URGCP: variants seen among roughly 807,000 people sequenced by gnomAD.
URGCP encodes the protein up-regulator of cell proliferation.
In URGCP, 13 loss-of-function variants were observed where a neutral mutation model predicts 24.6. That is an observed-to-expected ratio of 0.53 (90% CI 0.34 to 0.84). The LOEUF (loss-of-function observed/expected upper bound fraction) is 0.84, where lower values mean the gene tolerates loss of function less well. Among genes scored for constraint, URGCP ranks in the 40% least tolerant of loss-of-function variants. The pLI, the probability that URGCP is intolerant of heterozygous loss-of-function variation, is 0.01. For missense variants in URGCP, 899 were observed against 1,194.3 expected (o/e 0.75, Z 3.64); for synonymous variants, 444 against 487.2 (o/e 0.91, Z 1.17).
upstream of URGCP, among the ~76,000 whole-genome samples, chr7:43,911,067 G>A (rs978814292): frequency 2.6e-5 from 4 of 152,024 alleles, no homozygotes; most frequent in African/African-American, 7.3e-5. Flanking sequence ...AATCAGACAG[G>A]AGAACCATAA....
rs1436562804 is a variant in URGCP at position 43,903,585 on chromosome 7, G to A, written c.14+2977C>T. ...AACCCAGGTTAAAGAAACTTGAGGA[G>A]CTGTATCTAGTGTAGTTGGAAATGA... On this transcript the variant is annotated intron_variant, in intron 1 of 5. Transcript: ENST00000453200. Among the ~76,000 whole-genome samples the A allele has an allele frequency of 2.0e-5, 3 of 152,166 alleles. No homozygotes were observed. In the East Asian group the frequency reaches 5.8e-4, roughly 29 times the overall value.
chr7:43,886,185 A>G (rs908444829), intron 3 of URGCP, among the ~76,000 whole-genome samples: 4 of 152,196 alleles, frequency 2.6e-5, no homozygotes, highest in African/African-American at 9.6e-5. Flanking sequence ...ACGGTGTCTC[A>G]CTATGTTGCG....
rs111689772 is a variant in URGCP, at chr7:43,922,924, G to A, written c.-116+3208C>T. On this transcript the variant is annotated intron_variant, in intron 1 of 5. Transcript: ENST00000426198. ...TCTTTCTTTCTTTCTCTTTCTTTCC[G>A]TCTTTCTTTCTTTCTTTCCTTCTCT... Among the ~76,000 whole-genome samples, 900 of 147,980 alleles carry A rather than the reference G, an allele frequency of 6.1e-3. 15 individuals carry two copies. The highest frequency in any genetic ancestry group is 0.02 in the African/African-American group (803 of 40,140).
chr7:43,879,782 T>TC (rs398111297), intron 5 of URGCP: 3 of 152,056 alleles, frequency 2.0e-5, no homozygotes, highest in Non-Finnish European at 2.9e-5. Context: ...GTGTTTTTTT[T>TC]CTCTCTAGAA....
At chr7:43,880,069 G>A (rs933218628) in intron 5 of URGCP, among the ~76,000 whole-genome samples, 3 of 151,878 alleles carry the variant, frequency 2.0e-5, no homozygotes, top group Non-Finnish European at 4.4e-5. Flanking sequence ...AACTACTGGT[G>A]TGTGCCACCA....
At chr7:43,887,729 T>A in intron 2 of URGCP, 61 bp downstream of exon 2, 1 of 1,537,752 alleles carries the variant, frequency 6.5e-7, no homozygotes, top group East Asian at 2.4e-5. Flanking sequence ...ACCAGCACTC[T>A]CCAAAACTGC....
chr7:43,913,913 G>C (rs2095912849), intron 1 of URGCP, among the ~76,000 whole-genome samples: 1 of 152,092 alleles, frequency 6.6e-6, no homozygotes, highest in African/African-American at 2.4e-5. Context: ...TGGCCAGGCT[G>C]GTCTTGAACT....
chr7:43,920,127 C>G (rs920205244), intron 1 of URGCP: 4 of 794,106 alleles, frequency 5.0e-6, no homozygotes, highest in Middle Eastern at 2.4e-4. Context: ...TGACCACTCA[C>G]TTAGAGCACA....
Position 43,889,636 on chromosome 7 carries a change from C to A in URGCP, c.15-1820G>T, listed in dbSNP as rs143082575. 197 of 152,286 alleles carry A rather than the reference C, an allele frequency of 1.3e-3. 1 individual carries two copies. Among genetic ancestry groups the A allele is most frequent in the African/African-American group, 4.6e-3 (191 of 41,568 alleles). The allele number at this position is 152,286 out of a possible 1,614,324, so 9.4% of individuals were successfully genotyped here. ...TCCTGTCATATGTTTGAAAATTATA[C>A]CCTATGTTAATCTGTCCTCTCCTCC... On this transcript the variant is annotated intron_variant, in intron 1 of 5. Coordinates refer to ENST00000453200, the MANE Select transcript of URGCP (RefSeq NM_001077663.3).
chr7:43,907,413 G>T (rs1348293366), upstream of URGCP, among the ~76,000 whole-genome samples: 1 of 152,154 alleles, frequency 6.6e-6, no homozygotes, highest in Non-Finnish European at 1.5e-5. Flanking sequence ...CAGGAGGATC[G>T]ATTGAGCCCA....
At chr7:43,890,183 G>C (rs914718683) in intron 1 of URGCP, among the ~76,000 whole-genome samples, 2 of 145,216 alleles carry the variant, frequency 1.4e-5, no homozygotes, top group African/African-American at 5.1e-5. Context: ...GGGATTACAG[G>C]TGTGAGCCAC....
chr7:43,907,684 C>T (rs1307029250), upstream of URGCP, among the ~76,000 whole-genome samples: 9 of 152,128 alleles, frequency 5.9e-5, no homozygotes, highest in African/African-American at 2.2e-4. Flanking sequence ...TTTCCAGGGC[C>T]ACAGTTCCTT....
intron 1 of URGCP, among the ~76,000 whole-genome samples, chr7:43,900,774 C>G (rs1246503293): frequency 6.6e-6 from 1 of 152,158 alleles, no homozygotes; most frequent in Non-Finnish European, 1.5e-5. Flanking sequence ...AGGAAGAGTT[C>G]CTTCTAAGTT....
chr7:43,890,213 C>CTTTTTTTTT (rs543947365), intron 1 of URGCP, among the ~76,000 whole-genome samples: 1 of 108,790 alleles, frequency 9.2e-6, no homozygotes, highest in African/African-American at 3.6e-5. Flanking sequence ...CCACTGGAAA[C>CTTTTTTTTT]TTTTTTTTTT....
At chr7:43,904,151 T>G (rs1461382156) in intron 1 of URGCP, among the ~76,000 whole-genome samples, 1 of 152,142 alleles carries the variant, frequency 6.6e-6, no homozygotes, top group Non-Finnish European at 1.5e-5. Context: ...GGGCAGTGAG[T>G]CCACAAACGG....
Position 43,876,922 on chromosome 7 carries a change from C to T in URGCP, c.2541G>A (p.Arg847=), listed in dbSNP as rs1019395465. ...QLLDPPGDLS[R]AAAQMEKQGD... ...CCTGTTTCTCCATCTGGGCTGCAGC[C>T]CTGCTCAGGTCACCAGGTGGATCCA... is the stretch of plus-strand genomic sequence containing the variant. The change falls in exon 6 of 6, where the codon AGG becomes AGA. Residue 847 remains arginine (R), a synonymous_variant. Transcript: ENST00000453200. 1.2e-5 allele frequency: 19 copies of T among 1,613,970 alleles called. No individual in the cohort carries two copies. The highest frequency in any genetic ancestry group is 1.5e-5 in the Non-Finnish European group (18 of 1,180,022).
chr7:43,897,470 G>A (rs1015034077), intron 1 of URGCP, among the ~76,000 whole-genome samples: 6 of 152,168 alleles, frequency 3.9e-5, no homozygotes, highest in South Asian at 2.1e-4. Context: ...AGGGAGGCCC[G>A]AGTGGCTTGA....
intron 1 of URGCP, among the ~76,000 whole-genome samples, chr7:43,922,125 C>T (rs2528384): frequency 0.075 from 11,478 of 152,114 alleles, 580 homozygotes; most frequent in African/African-American, 0.14. Flanking sequence ...AGTGCAGTGG[C>T]GCGATCTTGG....
chr7:43,882,396 G>C (rs534636037), intron 3 of URGCP, among the ~76,000 whole-genome samples: 1 of 152,336 alleles, frequency 6.6e-6, no homozygotes, highest in East Asian at 1.9e-4. Context: ...GTTGCAGTGA[G>C]CTGAGATCAT....
Sources: allele counts gnomAD v4.1 joint callset (sites outside exome capture counted in the v4.1 genomes callset), GRCh38; gene constraint gnomAD v4.1.1; transcripts MANE v1.5; gene names NCBI Gene and HGNC (gene_info 2026-07-23, HGNC 2026-07-21).